CACNB2: variants seen among roughly 807,000 people sequenced by gnomAD.
The protein encoded by CACNB2 is voltage-dependent L-type calcium channel subunit beta-2.
CACNB2 carries 42 observed loss-of-function variants against 73.3 expected under a neutral mutation model. That is an observed-to-expected ratio of 0.57 (90% confidence interval 0.45 to 0.74). CACNB2 has a LOEUF of 0.74. Ranked by LOEUF, CACNB2 falls within the 30% of genes least tolerant of loss-of-function variation. CACNB2 has a pLI of 0.00. For missense variants in CACNB2, 940 were observed against 853.0 expected (o/e 1.10, Z -1.27); for synonymous variants, 348 against 310.3 (o/e 1.12, Z -1.28).
chr10:18,487,133 A>G (rs572723304), intron 3 of CACNB2, among the ~76,000 whole-genome samples: 1 of 152,206 alleles, frequency 6.6e-6, no homozygotes, highest in East Asian at 1.9e-4. Flanking sequence ...TGGCCAGCCC[A>G]CCCTAATCTT....
At chr10:18,162,383 A>G (rs1344094185) in intron 2 of CACNB2, among the ~76,000 whole-genome samples, 1 of 147,814 alleles carries the variant, frequency 6.8e-6, no homozygotes, top group Non-Finnish European at 1.5e-5. Context: ...ACTTGTCAGG[A>G]AAAAAAAAAA....
At chr10:18,419,917 A>G (rs1324989358) in intron 3 of CACNB2, among the ~76,000 whole-genome samples, 1 of 152,226 alleles carries the variant, frequency 6.6e-6, no homozygotes, top group African/African-American at 2.4e-5. Flanking sequence ...TACTATCTCT[A>G]AAGCAAAACT....
At chr10:18,355,386 GT>G (rs1218370429) in intron 2 of CACNB2, among the ~76,000 whole-genome samples, 1 of 151,984 alleles carries the variant, frequency 6.6e-6, no homozygotes, top group South Asian at 2.1e-4. Flanking sequence ...ATGTATCGTC[GT>G]TTTTTTAAAA....
intron 2 of CACNB2, among the ~76,000 whole-genome samples, chr10:18,310,650 T>C (rs1414928650): frequency 2.4e-5 from 3 of 127,620 alleles, no homozygotes; most frequent in Non-Finnish European, 5.1e-5. Flanking sequence ...AAGAAAATTA[T>C]AAAGAAAAGA....
intron 2 of CACNB2, among the ~76,000 whole-genome samples, chr10:18,349,406 G>C (rs538996671): frequency 2.6e-5 from 4 of 152,164 alleles, no homozygotes; most frequent in Non-Finnish European, 4.4e-5. Flanking sequence ...AGAATAATGG[G>C]TCCAATTGTT....
intron 2 of CACNB2, among the ~76,000 whole-genome samples, chr10:18,376,677 G>T (rs1355891789): frequency 6.6e-6 from 1 of 152,138 alleles, no homozygotes; most frequent in East Asian, 1.9e-4. Flanking sequence ...TTATGGTGGG[G>T]TTGGACTATC....
intron 3 of CACNB2, among the ~76,000 whole-genome samples, chr10:18,485,568 T>G (rs2049013658): frequency 1.3e-5 from 2 of 150,540 alleles, no homozygotes; most frequent in Non-Finnish European, 3.0e-5. Flanking sequence ...CTTTTTTTTT[T>G]TTTTTTTTTC....
intron 2 of CACNB2, among the ~76,000 whole-genome samples, chr10:18,305,878 G>T (rs1208174447): frequency 6.6e-6 from 1 of 152,188 alleles, no homozygotes; most frequent in East Asian, 1.9e-4. Flanking sequence ...CGAGGTGGGA[G>T]GATCGCTTGA....
intron 2 of CACNB2, among the ~76,000 whole-genome samples, chr10:18,283,518 T>G (rs890160202): frequency 6.6e-6 from 1 of 152,038 alleles, no homozygotes; most frequent in African/African-American, 2.4e-5. Flanking sequence ...ATGTCCTTTG[T>G]AGGGACATGG....
At chr10:18,171,587 T>A (rs12569437) in intron 2 of CACNB2, among the ~76,000 whole-genome samples, 21,194 of 103,860 alleles carry the variant, frequency 0.2, 1,642 homozygotes, top group East Asian at 0.3. Context: ...AATTCCAGTT[T>A]AAAAAAAAAA....
chr10:18,166,866 C>A (rs1369777950), intron 2 of CACNB2, among the ~76,000 whole-genome samples: 1 of 152,116 alleles, frequency 6.6e-6, no homozygotes, highest in Non-Finnish European at 1.5e-5. Flanking sequence ...GCACGTTGTG[C>A]ACGTGTACCC....
intron 3 of CACNB2, among the ~76,000 whole-genome samples, chr10:18,426,150 T>C (rs1409989896): frequency 6.6e-6 from 1 of 152,146 alleles, no homozygotes. Flanking sequence ...AACACAAACA[T>C]ACCCTGCTGA....
chr10:18,301,451 G>A (rs372110516), intron 2 of CACNB2, among the ~76,000 whole-genome samples: 16 of 151,746 alleles, frequency 1.1e-4, no homozygotes, highest in Admixed American at 8.5e-4. Context: ...AAAAATTAGC[G>A]GGACATGGTG....
chr10:18,405,475 G>GTT (rs2044238895), intron 3 of CACNB2, among the ~76,000 whole-genome samples: 1 of 152,100 alleles, frequency 6.6e-6, no homozygotes, highest in Non-Finnish European at 1.5e-5. Context: ...TTTTGTGTGT[G>GTT]GGCGTATGTT....
rs2053330900 is a variant in CACNB2, at chr10:18,534,153, A to G, written c.1132A>G (p.Ile378Val). 6.2e-7 allele frequency: 1 copy of G among 1,613,952 alleles called. No individual in the cohort carries two copies. Among genetic ancestry groups the G allele is most frequent in the Non-Finnish European group, 8.5e-7 (1 of 1,179,802 alleles). The part of the protein sequence containing the change: ...LQLVVLDADT[I>V]NHPAQLSKTS... ...GTTGGTGGTCCTTGACGCGGATACA[A>G]TTAATCATCCAGCTCAACTCAGTAA... Residue 378 changes from isoleucine (I) to valine (V), a missense_variant, in exon 11 of 14, where the codon ATT becomes GTT. Transcript: ENST00000324631.
intron 2 of CACNB2, among the ~76,000 whole-genome samples, chr10:18,201,320 G>T (rs189385900): frequency 6.6e-6 from 1 of 150,704 alleles, no homozygotes; most frequent in East Asian, 2.0e-4. Context: ...TGTCAGCCAG[G>T]CTGGAGTACA....
At chr10:18,410,332 C>G (rs2044548218) in intron 3 of CACNB2, among the ~76,000 whole-genome samples, 1 of 152,056 alleles carries the variant, frequency 6.6e-6, no homozygotes, top group African/African-American at 2.4e-5. Flanking sequence ...TTCAGTTGAC[C>G]ATGTTTTGTT....
At chr10:18,177,465 CA>C (rs35967003) in intron 2 of CACNB2, among the ~76,000 whole-genome samples, 82,340 of 130,094 alleles carry the variant, frequency 0.63, 25,002 homozygotes, top group East Asian at 0.81. Flanking sequence ...ATTAAAAATG[CA>C]AAAAAAAAAA....
At chr10:18,143,665 C>G (rs923513818) in intron 1 of CACNB2, among the ~76,000 whole-genome samples, 4 of 152,090 alleles carry the variant, frequency 2.6e-5, no homozygotes, top group Admixed American at 2.6e-4. Flanking sequence ...CTTGGGAAAG[C>G]CATCTCTTCC....
Sources: allele counts gnomAD v4.1 joint callset (sites outside exome capture counted in the v4.1 genomes callset), GRCh38; gene constraint gnomAD v4.1.1; transcripts MANE v1.5; gene names NCBI Gene and HGNC (gene_info 2026-07-23, HGNC 2026-07-21).